Variants in SHANK2 observed in about 807,000 individuals in gnomAD.
SHANK2 encodes the protein SH3 and multiple ankyrin repeat domains 2.
A neutral mutation model predicts 133.7 loss-of-function variants in SHANK2; 43 were observed. That is an observed-to-expected ratio of 0.32 (90% CI 0.25 to 0.41). The LOEUF is 0.41. Among genes scored for constraint, SHANK2 ranks in the 10% least tolerant of loss-of-function variants. The pLI is 1.00. For missense variants in SHANK2, 1,994 were observed against 2,235.8 expected, an observed-to-expected ratio of 0.89 and a Z score of 2.18; for synonymous variants, 1,017 against 952.8, an observed-to-expected ratio of 1.07 and a Z score of -1.24.
At chr11:70,667,883 C>T (rs1944710106) in intron 15 of SHANK2, 2 of 152,216 alleles carry the variant, frequency 1.3e-5, no homozygotes, top group Admixed American at 6.5e-5. Flanking sequence ...CTCTCAGGAT[C>T]CCAGCTGGGT....
At chr11:70,528,815 G>A (rs1259987216) in intron 17 of SHANK2, among the ~76,000 whole-genome samples, 1 of 152,112 alleles carries the variant, frequency 6.6e-6, no homozygotes, top group Non-Finnish European at 1.5e-5. Flanking sequence ...GGCAGCCGGC[G>A]AGCTGGGAGA....
intron 14 of SHANK2, among the ~76,000 whole-genome samples, chr11:70,750,920 G>A (rs189221796): frequency 1.9e-3 from 283 of 152,182 alleles, no homozygotes; most frequent in South Asian, 8.7e-3. Context: ...CTATTCCATC[G>A]GGTTTAAACA....
Position 70,482,423 on chromosome 11 carries a change from C to T in SHANK2, c.4979+2891G>A, listed in dbSNP as rs557531121. Among the ~76,000 whole-genome samples the T allele has an allele frequency of 7.2e-5, 11 of 152,352 alleles. 1 individual carries two copies. The South Asian group carries it at 1.7e-3, about 23-fold the overall frequency. ...CGGCAGTCTCAGCCTTGCAGGTGTT[C>T]GGTTTGCCAGTTGGTCATTCCTTCC... On this transcript the variant is annotated intron_variant, in intron 25 of 25. Coordinates refer to ENST00000601538, the MANE Select transcript of SHANK2 (RefSeq NM_012309.5).
intron 14 of SHANK2, among the ~76,000 whole-genome samples, chr11:70,784,351 T>TTTTG (rs2094520540): frequency 8.1e-6 from 1 of 123,768 alleles, no homozygotes; most frequent in African/African-American, 3.7e-5. Context: ...TAGTTTTTTT[T>TTTTG]TTTTTTTTTT....
intron 17 of SHANK2, among the ~76,000 whole-genome samples, chr11:70,522,261 C>T (rs1212798421): frequency 6.6e-6 from 1 of 152,230 alleles, no homozygotes; most frequent in Non-Finnish European, 1.5e-5. Context: ...ATGGCTTATC[C>T]TGCTGCGTGC....
intron 15 of SHANK2, chr11:70,668,001 A>C (rs1048659390): frequency 3.3e-5 from 5 of 152,194 alleles, no homozygotes; most frequent in South Asian, 2.1e-4. Flanking sequence ...GTAAATCAAT[A>C]AATCAATCCA....
intron 14 of SHANK2, among the ~76,000 whole-genome samples, chr11:70,785,996 A>T (rs782414245): frequency 3.3e-5 from 5 of 152,074 alleles, no homozygotes; most frequent in Non-Finnish European, 7.4e-5. Flanking sequence ...CTATGCACAG[A>T]TGGGCCCGGG....
At chr11:70,668,620 T>G (rs1223175540) in intron 15 of SHANK2, 1 of 152,288 alleles carries the variant, frequency 6.6e-6, no homozygotes, top group African/African-American at 2.4e-5. Context: ...TAAACATCAA[T>G]CCACAGTCAC....
intron 2 of SHANK2, among the ~76,000 whole-genome samples, chr11:71,154,622 C>T (rs1952863089): frequency 6.6e-6 from 1 of 152,232 alleles, no homozygotes; most frequent in African/African-American, 2.4e-5. Context: ...CCTTCTGACA[C>T]ACTGCCCCAA....
intron 17 of SHANK2, among the ~76,000 whole-genome samples, chr11:70,636,173 G>A (rs1413129779): frequency 6.6e-6 from 1 of 152,276 alleles, no homozygotes; most frequent in Non-Finnish European, 1.5e-5. Flanking sequence ...CCTAGTGTGT[G>A]TGAGAGTATA....
chr11:70,564,079 T>A (rs2059939687), intron 17 of SHANK2, among the ~76,000 whole-genome samples: 1 of 152,076 alleles, frequency 6.6e-6, no homozygotes, highest in South Asian at 2.1e-4. Context: ...TTAACATATT[T>A]GTCCTTATCT....
chr11:71,120,061 C>G (rs184515590), intron 3 of SHANK2, among the ~76,000 whole-genome samples: 1 of 152,328 alleles, frequency 6.6e-6, no homozygotes, highest in East Asian at 1.9e-4. Flanking sequence ...AAAATCAAAT[C>G]AGTTGCCATG....
chr11:71,062,962 A>C (rs946022554), intron 9 of SHANK2, among the ~76,000 whole-genome samples: 1 of 142,444 alleles, frequency 7.0e-6, no homozygotes, highest in Non-Finnish European at 1.5e-5. Flanking sequence ...GTGCCACTGC[A>C]TTCCAGCCTG....
intron 17 of SHANK2, among the ~76,000 whole-genome samples, chr11:70,594,630 C>CT (rs1334260963): frequency 3.3e-5 from 5 of 152,154 alleles, no homozygotes; most frequent in Non-Finnish European, 7.3e-5. Context: ...CAGGTGCTTA[C>CT]TGGGTCCAGG....
intron 13 of SHANK2, 136 bp from the exon 14 acceptor site, chr11:70,798,692 T>A: frequency 1.6e-6 from 1 of 634,286 alleles, no homozygotes; most frequent in Non-Finnish European, 2.9e-6. Flanking sequence ...GCGGCTCTGG[T>A]GTGACTGCAC....
chr11:70,624,185 A>C (rs937416360), intron 17 of SHANK2, among the ~76,000 whole-genome samples: 1 of 152,002 alleles, frequency 6.6e-6, no homozygotes, highest in African/African-American at 2.4e-5. Flanking sequence ...TGCAGGACTA[A>C]CGGACACCAT....
intron 8 of SHANK2, among the ~76,000 whole-genome samples, chr11:71,076,494 C>CA (rs2135987642): frequency 8.5e-6 from 1 of 117,570 alleles, no homozygotes; most frequent in East Asian, 2.3e-4. Context: ...AAAAACAAAA[C>CA]AAAACAAAAA....
rs371900387 is a variant in SHANK2, at chr11:70,767,962, C to A, written c.1777+30481G>T. ...ACCACCAGGGGTCCTCTGGGTCTCCCCTGCCTGACTCTGCAGGGATCCGTG... is the reference window on the plus strand; with the variant it reads ...ACCACCAGGGGTCCTCTGGGTCTCCACTGCCTGACTCTGCAGGGATCCGTG... On this transcript the variant is annotated intron_variant, in intron 14 of 25. Coordinates refer to ENST00000601538, the MANE Select transcript of SHANK2 (RefSeq NM_012309.5). Among the ~76,000 whole-genome samples the A allele has an allele frequency of 3.3e-5, 5 of 152,200 alleles. No individual in the cohort carries two copies. In the East Asian group the frequency reaches 5.8e-4, roughly 18 times the overall value.
At chr11:71,219,115 A>C (rs543609760) in intron 2 of SHANK2, among the ~76,000 whole-genome samples, 91 of 152,346 alleles carry the variant, frequency 6.0e-4, no homozygotes, top group African/African-American at 1.8e-3. Context: ...ATGAGGAGAG[A>C]GCATTTCTCA....
Sources: gnomAD v4.1 joint callset for allele counts (sites outside exome capture counted in the v4.1 genomes callset) on GRCh38, gnomAD v4.1.1 for gene constraint, MANE v1.5 for transcripts, NCBI Gene and HGNC (gene_info 2026-07-23, HGNC 2026-07-21) for gene names.